The following CPE variants were observed in gnomAD, a reference collection of about 807,000 sequenced individuals.
The protein encoded by CPE is carboxypeptidase E.
CPE carries 17 observed loss-of-function variants against 53.5 expected under a neutral mutation model. The ratio of observed to expected loss-of-function variants is 0.32; its 90% CI spans 0.22 to 0.48. The LOEUF (loss-of-function observed/expected upper bound fraction) is 0.48, where lower values mean the gene tolerates loss of function less well. CPE is among the 20% of genes least tolerant of loss of function. The pLI, the probability that CPE is intolerant of heterozygous loss-of-function variation, is 0.99. For synonymous variants in CPE, 226 were observed against 228.8 expected (o/e 0.99, Z 0.11); for missense variants, 524 against 614.7 (o/e 0.85, Z 1.56).
intron 1 of CPE, among the ~76,000 whole-genome samples, chr4:165,389,537 A>G (rs1579239076): frequency 1.3e-5 from 2 of 152,156 alleles, no homozygotes; most frequent in African/African-American, 4.8e-5. Flanking sequence ...TTAACCGGAT[A>G]CCTTCTGAGA....
At chr4:165,388,457 G>C (rs1730633052) in intron 1 of CPE, among the ~76,000 whole-genome samples, 1 of 152,108 alleles carries the variant, frequency 6.6e-6, no homozygotes, top group South Asian at 2.1e-4. Flanking sequence ...ACTATTTAAT[G>C]AACACCTACT....
At chr4:165,394,067 G>A (rs1730726367) in intron 1 of CPE, among the ~76,000 whole-genome samples, 1 of 152,140 alleles carries the variant, frequency 6.6e-6, no homozygotes, top group African/African-American at 2.4e-5. Flanking sequence ...TATGTAGAGA[G>A]TCAGAGAGAG....
intron 1 of CPE, among the ~76,000 whole-genome samples, chr4:165,448,973 G>T (rs1271395452): frequency 6.6e-6 from 1 of 152,168 alleles, no homozygotes. Flanking sequence ...TGATGCCCTA[G>T]GTTTTCTCAT....
intron 1 of CPE, among the ~76,000 whole-genome samples, chr4:165,417,466 A>T (rs1731144526): frequency 6.6e-6 from 1 of 150,554 alleles, no homozygotes; most frequent in African/African-American, 2.4e-5. Flanking sequence ...GAAGAAATAG[A>T]CTCAGAGAGT....
intron 1 of CPE, among the ~76,000 whole-genome samples, chr4:165,432,662 G>C (rs954499387): frequency 4.6e-5 from 7 of 152,182 alleles, no homozygotes; most frequent in Non-Finnish European, 1.0e-4. Flanking sequence ...GTAAGAATGT[G>C]AGTATCCTCC....
chr4:165,397,053 C>T (rs1730779225), intron 1 of CPE, among the ~76,000 whole-genome samples: 1 of 151,932 alleles, frequency 6.6e-6, no homozygotes. Context: ...AGAATGAGAC[C>T]TTGTCTCAAC....
intron 4 of CPE, among the ~76,000 whole-genome samples, chr4:165,483,140 C>T (rs1348501052): frequency 6.6e-6 from 1 of 151,992 alleles, no homozygotes; most frequent in African/African-American, 2.4e-5. Context: ...CACCCCTCAC[C>T]TCCTCCCATC....
intron 1 of CPE, among the ~76,000 whole-genome samples, chr4:165,395,868 C>A (rs1730758996): frequency 6.6e-6 from 1 of 152,138 alleles, no homozygotes; most frequent in African/African-American, 2.4e-5. Context: ...GGTTTGTGAA[C>A]CTAATCTCGC....
intron 2 of CPE, among the ~76,000 whole-genome samples, chr4:165,465,165 A>G (rs1732075493): frequency 6.6e-6 from 1 of 151,682 alleles, no homozygotes; most frequent in Admixed American, 6.6e-5. Flanking sequence ...TTAAGAGAAG[A>G]TATATGGTGT....
At chr4:165,435,830 C>G (rs1413251262) in intron 1 of CPE, among the ~76,000 whole-genome samples, 1 of 152,182 alleles carries the variant, frequency 6.6e-6, no homozygotes, top group Non-Finnish European at 1.5e-5. Context: ...TTTACCCTAT[C>G]ACTCCATTAA....
intron 1 of CPE, among the ~76,000 whole-genome samples, chr4:165,398,263 A>G (rs1730807556): frequency 6.6e-6 from 1 of 152,130 alleles, no homozygotes; most frequent in South Asian, 2.1e-4. Context: ...TGTACCAGTG[A>G]CAATTTTCTG....
chr4:165,445,659 T>G (rs1244945457), intron 1 of CPE, among the ~76,000 whole-genome samples: 3 of 152,174 alleles, frequency 2.0e-5, no homozygotes, highest in African/African-American at 7.2e-5. Flanking sequence ...AAATACAAAT[T>G]AAATTCACAA....
At chr4:165,453,050 C>T (rs1028775444) in intron 1 of CPE, among the ~76,000 whole-genome samples, 1 of 151,972 alleles carries the variant, frequency 6.6e-6, no homozygotes, top group Admixed American at 6.6e-5. Flanking sequence ...AATCTCAGCT[C>T]ACAGGTTCAA....
intron 1 of CPE, among the ~76,000 whole-genome samples, chr4:165,392,453 TATATGTA>T (rs1358172265): frequency 6.8e-6 from 1 of 146,024 alleles, no homozygotes; most frequent in Non-Finnish European, 1.5e-5. Context: ...GAGCCTAGCA[TATATGTA>T]ATATGTAATA....
At chr4:165,431,558 G>A (rs956786858) in intron 1 of CPE, among the ~76,000 whole-genome samples, 9 of 152,176 alleles carry the variant, frequency 5.9e-5, no homozygotes, top group African/African-American at 2.2e-4. Flanking sequence ...GTTAATAATA[G>A]GGGGAGATTT....
At chr4:165,451,422 C>G (rs1254634997) in intron 1 of CPE, among the ~76,000 whole-genome samples, 1 of 152,152 alleles carries the variant, frequency 6.6e-6, no homozygotes, top group African/African-American at 2.4e-5. Flanking sequence ...TGCAAAATGT[C>G]TCATCTGTGT....
At chr4:165,396,754 G>C (rs900339353) in intron 1 of CPE, among the ~76,000 whole-genome samples, 1 of 151,282 alleles carries the variant, frequency 6.6e-6, no homozygotes, top group African/African-American at 2.4e-5. Flanking sequence ...AGAAGGCTGA[G>C]TGTGGTGGCT....
intron 1 of CPE, chr4:165,415,220 T>G (rs1731102751): frequency 6.0e-6 from 1 of 167,078 alleles, no homozygotes; most frequent in African/African-American, 2.4e-5. Flanking sequence ...TTAATCTATT[T>G]TTCTCTACAT....
At chr4:165,406,023 C>G in intron 1 of CPE, 1 of 755,732 alleles carries the variant, frequency 1.3e-6, no homozygotes, top group Non-Finnish European at 2.5e-6. Context: ...TTGCAAGTGG[C>G]TAAAATGTTG....
Sources: gnomAD v4.1 joint callset for allele counts (sites outside exome capture counted in the v4.1 genomes callset) on GRCh38, gnomAD v4.1.1 for gene constraint, MANE v1.5 for transcripts, NCBI Gene and HGNC (gene_info 2026-07-23, HGNC 2026-07-21) for gene names.